The following KCNMB2 variants were observed in gnomAD, a reference collection of about 807,000 sequenced individuals.
The protein encoded by KCNMB2 is potassium calcium-activated channel subfamily M regulatory beta subunit 2, also known as calcium-activated potassium channel subunit beta-2.
KCNMB2 carries 9 observed loss-of-function variants against 24.5 expected under a neutral mutation model. That is an observed-to-expected ratio of 0.37 (90% CI 0.22 to 0.64). The LOEUF (loss-of-function observed/expected upper bound fraction) is 0.64. Ranked by LOEUF, KCNMB2 falls within the 30% of genes least tolerant of loss-of-function variation. The pLI is 0.63. For synonymous variants in KCNMB2, 109 were observed against 104.4 expected (o/e 1.04, Z -0.27); for missense variants, 226 against 284.3 (o/e 0.79, Z 1.47).
intron 1 of KCNMB2, among the ~76,000 whole-genome samples, chr3:178,723,353 A>G (rs1722868459): frequency 6.6e-6 from 1 of 152,188 alleles, no homozygotes; most frequent in African/African-American, 2.4e-5. Context: ...ATTCATTAGC[A>G]TAATATGTCT....
chr3:178,761,024 T>C (rs1189707714), intron 1 of KCNMB2, among the ~76,000 whole-genome samples: 1 of 152,202 alleles, frequency 6.6e-6, no homozygotes, highest in African/African-American at 2.4e-5. Context: ...CTTTAATCCC[T>C]TGAATTTCAT....
chr3:178,682,008 T>C (rs1227488163), intron 1 of KCNMB2, among the ~76,000 whole-genome samples: 1 of 152,170 alleles, frequency 6.6e-6, no homozygotes, highest in African/African-American at 2.4e-5. Flanking sequence ...CTTAACTGTT[T>C]GCACTCATTT....
At chr3:178,790,229 G>T (rs991157589) in intron 1 of KCNMB2, among the ~76,000 whole-genome samples, 4 of 151,992 alleles carry the variant, frequency 2.6e-5, no homozygotes, top group African/African-American at 9.7e-5. Context: ...TGACTAAAGG[G>T]TCCTTGGGCC....
At chr3:178,656,014 TTTAGTAAAAGGAAATA>T (rs1342591755) in intron 1 of KCNMB2, among the ~76,000 whole-genome samples, 4 of 152,194 alleles carry the variant, frequency 2.6e-5, no homozygotes, top group African/African-American at 9.6e-5. Context: ...CCTTTTCTCC[TTTAGTAAAAGGAAATA>T]TTATTTCCTT....
At chr3:178,761,566 G>C (rs1009779116) in intron 1 of KCNMB2, among the ~76,000 whole-genome samples, 5 of 152,120 alleles carry the variant, frequency 3.3e-5, no homozygotes, top group Non-Finnish European at 7.4e-5. Context: ...TTGTCATTTT[G>C]CCTTTTCGTG....
rs978474904 is a variant in KCNMB2, at chr3:178,843,400, A to G, written c.*463A>G. On this transcript the variant is annotated 3_prime_UTR_variant, in exon 5 of 5. Coordinates refer to ENST00000452583, the MANE Select transcript of KCNMB2 (RefSeq NM_181361.3). ...GCCCTATAGCAAGTGAAGGGACCAG[A>G]TTTCCTAATTAAAGGAAGTTAGGTA... 9.6e-6 allele frequency: 2 copies of G among 208,558 alleles called. No homozygotes were observed. Among genetic ancestry groups the G allele is most frequent in the African/African-American group, 4.7e-5 (2 of 42,294 alleles). 12.9% of individuals were successfully genotyped at this position (208,558 alleles called of 1,614,324 possible). A position where few individuals can be genotyped will look rare whatever the true frequency, so the allele number is the denominator to read the frequency against.
At chr3:178,679,170 A>G (rs573360546) in intron 1 of KCNMB2, among the ~76,000 whole-genome samples, 1 of 152,202 alleles carries the variant, frequency 6.6e-6, no homozygotes, top group South Asian at 2.1e-4. Flanking sequence ...CAAAAGATAT[A>G]CACTACATTA....
At chr3:178,669,892 C>A (rs770392384) in intron 1 of KCNMB2, among the ~76,000 whole-genome samples, 2 of 151,952 alleles carry the variant, frequency 1.3e-5, no homozygotes, top group Non-Finnish European at 2.9e-5. Flanking sequence ...GAATGTGAAG[C>A]AGCAGCAAAC....
chr3:178,814,832 G>T (rs942947415), intron 2 of KCNMB2, among the ~76,000 whole-genome samples: 3 of 152,012 alleles, frequency 2.0e-5, no homozygotes, highest in Non-Finnish European at 4.4e-5. Context: ...TTTTCTCCTT[G>T]TTGATTTGTT....
intron 1 of KCNMB2, among the ~76,000 whole-genome samples, chr3:178,780,467 G>A (rs2108430809): frequency 6.6e-6 from 1 of 152,316 alleles, no homozygotes; most frequent in Admixed American, 6.5e-5. Context: ...ATGACAGATA[G>A]GTTTAGGCTC....
intron 1 of KCNMB2, among the ~76,000 whole-genome samples, chr3:178,594,179 T>A (rs1717782147): frequency 6.6e-6 from 1 of 151,970 alleles, no homozygotes; most frequent in South Asian, 2.1e-4. Flanking sequence ...GCAGATCATG[T>A]AGGACCTTAT....
chr3:178,691,774 G>A (rs529298029), intron 1 of KCNMB2, among the ~76,000 whole-genome samples: 4 of 152,302 alleles, frequency 2.6e-5, no homozygotes, highest in Non-Finnish European at 4.4e-5. Context: ...GATATACCTA[G>A]TAATTGTTGG....
chr3:178,546,073 G>T (rs1029759518), intron 1 of KCNMB2, among the ~76,000 whole-genome samples: 1 of 152,136 alleles, frequency 6.6e-6, no homozygotes, highest in Non-Finnish European at 1.5e-5. Context: ...CTGTTGGAAT[G>T]AATCAAAAGA....
intron 1 of KCNMB2, among the ~76,000 whole-genome samples, chr3:178,774,901 C>T (rs1381133761): frequency 6.6e-6 from 1 of 152,120 alleles, no homozygotes; most frequent in African/African-American, 2.4e-5. Flanking sequence ...CAGTATTTTC[C>T]TTGTTCCTTT....
intron 1 of KCNMB2, among the ~76,000 whole-genome samples, chr3:178,684,981 C>T (rs1308607949): frequency 6.6e-6 from 1 of 152,116 alleles, no homozygotes; most frequent in Non-Finnish European, 1.5e-5. Flanking sequence ...CCCTTTCTTA[C>T]CTAAAGAAAT....
intron 1 of KCNMB2, among the ~76,000 whole-genome samples, chr3:178,781,880 G>A (rs940667439): frequency 9.6e-5 from 14 of 146,562 alleles, no homozygotes; most frequent in African/African-American, 3.3e-4. Context: ...ATGCTGGTGC[G>A]CTGCACCCAC....
At chr3:178,732,258 T>A (rs533977885) in intron 1 of KCNMB2, among the ~76,000 whole-genome samples, 1 of 152,350 alleles carries the variant, frequency 6.6e-6, no homozygotes, top group African/African-American at 2.4e-5. Context: ...AAATAGATAC[T>A]AATCTACAGT....
chr3:178,544,332 T>C (rs1715708572), intron 1 of KCNMB2, among the ~76,000 whole-genome samples: 1 of 152,158 alleles, frequency 6.6e-6, no homozygotes, highest in Non-Finnish European at 1.5e-5. Flanking sequence ...AGAATGTTTC[T>C]CTCTCCCTTC....
In KCNMB2 at chr3:178,575,131, T is replaced by C. The variant is rs138664355; in HGVS notation, c.-68+38420T>C. On this transcript the variant is annotated intron_variant, in intron 1 of 4. Coordinates refer to ENST00000452583, the MANE Select transcript of KCNMB2 (RefSeq NM_181361.3). Reference sequence around the variant, plus strand: ...CTTCCATTCTAGTTGTAAGAGGCCATAATAAAAGTGAGAAAATAAACAAGA... The same window carrying C: ...CTTCCATTCTAGTTGTAAGAGGCCACAATAAAAGTGAGAAAATAAACAAGA... Among the ~76,000 whole-genome samples, 4 of 152,192 alleles carry C rather than the reference T, an allele frequency of 2.6e-5. No individual in the cohort carries two copies. In the East Asian group the frequency reaches 7.7e-4, roughly 29 times the overall value.
Sources: allele counts gnomAD v4.1 joint callset (sites outside exome capture counted in the v4.1 genomes callset), GRCh38; gene constraint gnomAD v4.1.1; transcripts MANE v1.5; gene names NCBI Gene and HGNC (gene_info 2026-07-23, HGNC 2026-07-21).